TRAF3IP1: variants seen among roughly 807,000 people sequenced by gnomAD.
The protein encoded by TRAF3IP1 is TRAF3-interacting protein 1.
Under a neutral mutation model 89.9 loss-of-function variants are expected in TRAF3IP1, and 53 were observed. The observed-to-expected ratio is 0.59, with a 90% CI of 0.47 to 0.74. The LOEUF (loss-of-function observed/expected upper bound fraction) is 0.74, where lower values mean the gene tolerates loss of function less well. Among genes scored for constraint, TRAF3IP1 ranks in the 30% least tolerant of loss-of-function variants. The pLI, the probability that TRAF3IP1 is intolerant of heterozygous loss-of-function variation, is 0.00. For synonymous variants in TRAF3IP1, 311 were observed against 322.1 expected (o/e 0.97, Z 0.37); for missense variants, 806 against 866.1 (o/e 0.93, Z 0.87).
At chr2:238,394,385 G>A (rs996849152) in intron 15 of TRAF3IP1, among the ~76,000 whole-genome samples, 26 of 152,312 alleles carry the variant, frequency 1.7e-4, no homozygotes, top group African/African-American at 5.5e-4. Flanking sequence ...GAAAATTCAT[G>A]TCTTTACTGT....
intron 2 of TRAF3IP1, 31 bp downstream of exon 2, chr2:238,325,405 T>A: frequency 6.2e-7 from 1 of 1,611,582 alleles, no homozygotes; most frequent in Non-Finnish European, 8.5e-7. Context: ...TCCTATTGAC[T>A]CCTCGCCTTA....
At chr2:238,340,114 G>A (rs570747347) in intron 8 of TRAF3IP1, among the ~76,000 whole-genome samples, 4 of 152,192 alleles carry the variant, frequency 2.6e-5, no homozygotes, top group South Asian at 4.1e-4. Context: ...AGAGACTCCC[G>A]GTCCCTTGTC....
chr2:238,370,969 C>T (rs529361229), intron 15 of TRAF3IP1, among the ~76,000 whole-genome samples: 33 of 152,304 alleles, frequency 2.2e-4, no homozygotes, highest in Non-Finnish European at 4.3e-4. Flanking sequence ...AAGCCCATCA[C>T]GAGGCCTCTG....
At chr2:238,331,580 C>A (rs577669316) in intron 5 of TRAF3IP1, among the ~76,000 whole-genome samples, 1 of 152,228 alleles carries the variant, frequency 6.6e-6, no homozygotes, top group South Asian at 2.1e-4. Context: ...GAGACCATGG[C>A]GAAGTGATTT....
chr2:238,354,124 G>C (rs556490700), intron 14 of TRAF3IP1, among the ~76,000 whole-genome samples: 1 of 152,308 alleles, frequency 6.6e-6, no homozygotes, highest in East Asian at 1.9e-4. Flanking sequence ...GCCCATCTCA[G>C]TTTTTCTTAT....
intron 15 of TRAF3IP1, among the ~76,000 whole-genome samples, chr2:238,367,481 C>T (rs373457604): frequency 2.0e-5 from 3 of 152,194 alleles, no homozygotes; most frequent in South Asian, 2.1e-4. Flanking sequence ...GGTTTAGAAA[C>T]GACCTAGCTG....
rs1701430131 is a variant in TRAF3IP1, at chr2:238,400,885, C to T, written c.*1966C>T. ...ATACGTAAATCATTAAAAATAATCACATATTTTTTCCATAAGTGTATGGAT... is the reference window on the plus strand; with the variant it reads ...ATACGTAAATCATTAAAAATAATCATATATTTTTTCCATAAGTGTATGGAT... On this transcript the variant is annotated 3_prime_UTR_variant, in exon 17 of 17. Transcript: ENST00000373327. 6.6e-6 allele frequency: 1 copy of T among 152,140 alleles called. No homozygotes were observed. The highest frequency in any genetic ancestry group is 1.5e-5 in the Non-Finnish European group (1 of 67,998). 9.4% of individuals were successfully genotyped at this position (152,140 alleles called of 1,614,324 possible).
chr2:238,367,324 A>C (rs2106345780), intron 15 of TRAF3IP1, among the ~76,000 whole-genome samples: 1 of 152,248 alleles, frequency 6.6e-6, no homozygotes, highest in Admixed American at 6.5e-5. Context: ...GGGATGTGGC[A>C]CAAGTTTCAG....
intron 15 of TRAF3IP1, among the ~76,000 whole-genome samples, chr2:238,384,239 C>T (rs940047037): frequency 6.6e-5 from 10 of 152,230 alleles, no homozygotes; most frequent in South Asian, 2.1e-4. Context: ...ATGCTGCCTC[C>T]GCCCACGGCT....
At chr2:238,338,554 CTACTT>C (rs1365967685) in intron 8 of TRAF3IP1, 97 bp downstream of exon 8, 17 of 675,954 alleles carry the variant, frequency 2.5e-5, no homozygotes, top group Admixed American at 1.1e-4. Context: ...ATTATTCTAA[CTACTT>C]TAATGTTCAT....
rs544002099 is a variant in TRAF3IP1 at position 238,337,385 on chromosome 2, C to T, written c.1064-977C>T. Among the ~76,000 whole-genome samples the T allele has an allele frequency of 3.3e-5, 5 of 152,270 alleles. No individual in the cohort carries two copies. In the South Asian group the frequency reaches 8.3e-4, roughly 25 times the overall value. ...GAGGAACAGTGATAGGGGAAAGGGC[C>T]GGGCCAGGAAGCAGGGCCTGGAGCT... On this transcript the variant is annotated intron_variant, in intron 7 of 16. Transcript: ENST00000373327.
intron 14 of TRAF3IP1, among the ~76,000 whole-genome samples, 183 bp downstream of exon 14, chr2:238,353,392 A>T (rs1396737503): frequency 2.6e-5 from 4 of 152,148 alleles, no homozygotes; most frequent in African/African-American, 9.7e-5. Flanking sequence ...TCTTAAGGCG[A>T]TGGCTGCTGC....
At chr2:238,383,104 C>G (rs1265835322) in intron 15 of TRAF3IP1, among the ~76,000 whole-genome samples, 1 of 152,142 alleles carries the variant, frequency 6.6e-6, no homozygotes, top group Non-Finnish European at 1.5e-5. Context: ...TGGTTTTCAC[C>G]TCTGAGGAAG....
chr2:238,324,696 C>G (rs895339743), intron 1 of TRAF3IP1, among the ~76,000 whole-genome samples: 5 of 152,104 alleles, frequency 3.3e-5, no homozygotes, highest in African/African-American at 1.2e-4. Context: ...TCTCTGTTTC[C>G]TGCTTCAAGT....
In TRAF3IP1 at chr2:238,320,530, G is replaced by A. The variant is rs1412855361; in HGVS notation, c.-133G>A. 92 of 1,012,642 alleles carry A rather than the reference G, an allele frequency of 9.1e-5. No homozygotes were observed. Among genetic ancestry groups the A allele is most frequent in the Non-Finnish European group, 1.1e-4 (89 of 846,800 alleles). The allele number at this position is 1,012,642 out of a possible 1,614,324, so 62.7% of individuals were successfully genotyped here. A position where few individuals can be genotyped will look rare whatever the true frequency, so the allele number is the denominator to read the frequency against. On this transcript the variant is annotated 5_prime_UTR_variant, in exon 1 of 17. An upstream start codon of the reference 5' UTR is lost. Coordinates refer to ENST00000373327, the MANE Select transcript of TRAF3IP1 (RefSeq NM_015650.4). The stretch of plus-strand genomic sequence containing the variant: ...GGTGGGCTCCGGTGCACTGTGGGAT[G>A]GAAACCGGAGCGGCGCGTCCTGGCA...
intron 15 of TRAF3IP1, among the ~76,000 whole-genome samples, chr2:238,372,194 A>T (rs563358775): frequency 1.3e-5 from 2 of 152,106 alleles, no homozygotes; most frequent in African/African-American, 4.8e-5. Context: ...GGTTTGTTAC[A>T]TAGGTATACA....
intron 9 of TRAF3IP1, among the ~76,000 whole-genome samples, chr2:238,346,699 G>C (rs758889946): frequency 2.6e-5 from 4 of 152,198 alleles, no homozygotes; most frequent in Admixed American, 6.5e-5. Context: ...CGTGTTAAAC[G>C]AGGCGCTGCA....
chr2:238,349,527 G>A (rs1367796971), intron 12 of TRAF3IP1, 119 bp downstream of exon 12: 2 of 1,018,558 alleles, frequency 2.0e-6, no homozygotes, highest in Non-Finnish European at 1.5e-6. Flanking sequence ...TGCTATTGAG[G>A]AACAAAAAGT....
At position 238,327,245 on chromosome 2, in the gene TRAF3IP1, C is replaced by T. The variant is rs532310464; in HGVS notation, c.354+1275C>T. Reference sequence around the variant, plus strand: ...GAGCTGCCTTCCTCCTCCAGCCTCACCCAGCAACAATGTGGCGTCTGTGAG... The same window carrying T: ...GAGCTGCCTTCCTCCTCCAGCCTCATCCAGCAACAATGTGGCGTCTGTGAG... On this transcript the variant is annotated intron_variant, in intron 3 of 16. Coordinates refer to ENST00000373327, the MANE Select transcript of TRAF3IP1 (RefSeq NM_015650.4). Among the ~76,000 whole-genome samples, 14 of 152,388 alleles carry T rather than the reference C, an allele frequency of 9.2e-5. No individual in the cohort carries two copies. The East Asian group carries it at 2.7e-3, about 29-fold the overall frequency.
Sources: gnomAD v4.1 joint callset for allele counts (sites outside exome capture counted in the v4.1 genomes callset) on GRCh38, gnomAD v4.1.1 for gene constraint, MANE v1.5 for transcripts, NCBI Gene and HGNC (gene_info 2026-07-23, HGNC 2026-07-21) for gene names.